WDR17: variants seen among roughly 807,000 people sequenced by gnomAD.
WDR17 encodes the protein WD repeat-containing protein 17.
WDR17 carries 143 observed loss-of-function variants against 161.7 expected under a neutral mutation model. The observed-to-expected ratio is 0.88, with a 90% CI of 0.77 to 1.02. The LOEUF (loss-of-function observed/expected upper bound fraction) is 1.02. Ranked by LOEUF, WDR17 falls within the 50% of genes least tolerant of loss-of-function variation. WDR17 has a pLI of 0.00. For missense variants in WDR17, 1,469 were observed against 1,520.9 expected (o/e 0.97, Z 0.57); for synonymous variants, 517 against 515.6 (o/e 1.00, Z -0.04).
intron 6 of WDR17, among the ~76,000 whole-genome samples, chr4:176,130,549 C>T (rs1037864564): frequency 1.3e-5 from 2 of 151,902 alleles, no homozygotes; most frequent in East Asian, 1.9e-4. Flanking sequence ...TCGAGACCAT[C>T]CTGGCTAACA....
At chr4:176,110,905 T>G (rs1033404857) in intron 1 of WDR17, among the ~76,000 whole-genome samples, 2 of 152,224 alleles carry the variant, frequency 1.3e-5, no homozygotes, top group Admixed American at 6.5e-5. Flanking sequence ...GGGTTGTCTA[T>G]TCCAACATCC....
At chr4:176,106,071 C>T (rs1448831367) in intron 1 of WDR17, among the ~76,000 whole-genome samples, 1 of 151,824 alleles carries the variant, frequency 6.6e-6, no homozygotes, top group African/African-American at 2.4e-5. Flanking sequence ...ATTCAATAAC[C>T]TAGATGAAAT....
In WDR17 at chr4:176,089,682, A is replaced by C. The variant is rs1030050679; in HGVS notation, c.-6-21893A>C. Among the ~76,000 whole-genome samples the C allele has an allele frequency of 3.3e-5, 5 of 152,200 alleles. No individual in the cohort carries two copies. The South Asian group carries it at 1.0e-3, about 32-fold the overall frequency. On this transcript the variant is annotated intron_variant, in intron 1 of 28. Coordinates refer to ENST00000508596, the MANE Select transcript of WDR17 (RefSeq NM_181265.4). ...GTAGTATATATGAGTGTTGAGTGAG[A>C]GAGCTTTTTTTGCATTTCCTCAAAC...
At chr4:176,111,849 G>A (rs571273382) in intron 2 of WDR17, 146 bp downstream of exon 2, 97 of 790,312 alleles carry the variant, frequency 1.2e-4, no homozygotes, top group African/African-American at 2.9e-4. Flanking sequence ...GATTTATACC[G>A]TATAGGTTTT....
chr4:176,128,859 G>C lies in WDR17; in HGVS notation c.912G>C (p.Lys304Asn). The change falls in exon 6 of 29, where the codon AAG (lysine) becomes AAC (asparagine). Residue 304 changes from lysine (K) to asparagine (N), a missense_variant and splice_region_variant. Lys to Asn is a moderately conservative substitution (Grantham distance 94, BLOSUM62 0). Coordinates refer to ENST00000508596, the MANE Select transcript of WDR17 (RefSeq NM_181265.4). Reference protein sequence around the residue: ...LHVLNSPPRKKFSVQSPTKNH... With the variant: ...LHVLNSPPRKNFSVQSPTKNH... ...TACTTAATTCTCCTCCAAGAAAAAAGTGTAAGTAAAAATGTTATCAAAATT... is the reference window on the plus strand; with the variant it reads ...TACTTAATTCTCCTCCAAGAAAAAACTGTAAGTAAAAATGTTATCAAAATT... 6.4e-7 allele frequency: 1 copy of C among 1,563,832 alleles called. No homozygotes were observed. The highest frequency in any genetic ancestry group is 8.6e-7 in the Non-Finnish European group (1 of 1,160,926).
intron 2 of WDR17, among the ~76,000 whole-genome samples, chr4:176,112,027 CTA>C (rs1316781353): frequency 1.3e-5 from 2 of 152,074 alleles, no homozygotes; most frequent in Non-Finnish European, 2.9e-5. Flanking sequence ...ACTTGTATAA[CTA>C]TGTTTTTCGT....
intron 1 of WDR17, among the ~76,000 whole-genome samples, chr4:176,071,166 G>A (rs1312160128): frequency 2.6e-5 from 4 of 151,560 alleles, no homozygotes; most frequent in Non-Finnish European, 5.9e-5. Flanking sequence ...AAAAATAGGG[G>A]TATACTTTTT....
chr4:176,098,261 G>A (rs559855365), intron 1 of WDR17: 1 of 156,462 alleles, frequency 6.4e-6, no homozygotes, highest in South Asian at 2.0e-4. Context: ...CCCAACTGAA[G>A]TGTGTTGTTC....
rs139507315 is a variant in WDR17 at position 176,079,034 on chromosome 4, T to C, written c.-7+12955T>C. On this transcript the variant is annotated intron_variant, in intron 1 of 28. Coordinates refer to ENST00000508596, the MANE Select transcript of WDR17 (RefSeq NM_181265.4). Reference sequence around the variant, plus strand: ...ATCTTTTCTTATCTCCCCTACCCTGTACCCTTTGTGGCTTCTCATAAGCAG... The same window carrying C: ...ATCTTTTCTTATCTCCCCTACCCTGCACCCTTTGTGGCTTCTCATAAGCAG... Among the ~76,000 whole-genome samples, 605 of 152,228 alleles carry C rather than the reference T, an allele frequency of 4.0e-3. 5 individuals carry two copies. Among genetic ancestry groups the C allele is most frequent in the African/African-American group, 0.013 (555 of 41,544 alleles).
intron 1 of WDR17, chr4:176,068,529 G>A (rs1273738357): frequency 1.3e-5 from 2 of 152,288 alleles, no homozygotes; most frequent in Non-Finnish European, 2.9e-5. Flanking sequence ...GAACCCAGGA[G>A]GCCCGGAGGT....
intron 9 of WDR17, 31 bp downstream of exon 9, chr4:176,137,642 T>C: frequency 7.7e-7 from 1 of 1,306,158 alleles, no homozygotes; most frequent in Non-Finnish European, 1.1e-6. Context: ...CTGAATAATA[T>C]AATGTTTTAT....
At chr4:176,165,605 ATAAAG>A (rs1336994688) in intron 22 of WDR17, among the ~76,000 whole-genome samples, 1 of 152,214 alleles carries the variant, frequency 6.6e-6, no homozygotes, top group East Asian at 1.9e-4. Flanking sequence ...TATTCTTACA[ATAAAG>A]TAAACTGGAG....
intron 22 of WDR17, 86 bp from the exon 23 acceptor site, chr4:176,168,586 T>C: frequency 6.7e-7 from 1 of 1,502,340 alleles, no homozygotes; most frequent in African/African-American, 1.4e-5. Flanking sequence ...TGGTATATTA[T>C]ATGAATTGCC....
intron 1 of WDR17, among the ~76,000 whole-genome samples, chr4:176,091,221 A>G (rs1435676652): frequency 6.6e-6 from 1 of 152,230 alleles, no homozygotes; most frequent in Non-Finnish European, 1.5e-5. Flanking sequence ...CACATGCATC[A>G]TTTATAAGAG....
intron 17 of WDR17, among the ~76,000 whole-genome samples, chr4:176,152,624 G>A (rs1373632097): frequency 7.2e-6 from 1 of 139,420 alleles, no homozygotes; most frequent in Non-Finnish European, 1.5e-5. Context: ...AAAAAAAAAG[G>A]GAAAGAAATG....
At chr4:176,130,788 G>A (rs1177841098) in intron 6 of WDR17, among the ~76,000 whole-genome samples, 1 of 151,154 alleles carries the variant, frequency 6.6e-6, no homozygotes, top group Admixed American at 6.6e-5. Flanking sequence ...CCATATTCCA[G>A]TGTACAATTA....
Position 176,180,758 on chromosome 4 carries a change from T to G in WDR17, c.*1179T>G, listed in dbSNP as rs1353691775. 6.6e-6 allele frequency: 1 copy of G among 152,274 alleles called. No homozygotes were observed. Among genetic ancestry groups the G allele is most frequent in the East Asian group, 1.9e-4 (1 of 5,180 alleles). 9.4% of individuals were successfully genotyped at this position (152,274 alleles called of 1,614,324 possible). Reference sequence around the variant, plus strand: ...ACAATTGATTTGATGAAAATTAGTTTTAAGTAAATGTTTGTAAATAGATAT... The same window carrying G: ...ACAATTGATTTGATGAAAATTAGTTGTAAGTAAATGTTTGTAAATAGATAT... On this transcript the variant is annotated 3_prime_UTR_variant, in exon 29 of 29. Transcript: ENST00000508596.
At chr4:176,140,523 ATAAG>A (rs1745087854) in intron 10 of WDR17, among the ~76,000 whole-genome samples, 1 of 152,168 alleles carries the variant, frequency 6.6e-6, no homozygotes, top group African/African-American at 2.4e-5. Context: ...AGTTCCAGAA[ATAAG>A]TAAGTTTTCA....
intron 21 of WDR17, among the ~76,000 whole-genome samples, 184 bp downstream of exon 21, chr4:176,162,358 A>G (rs1177677259): frequency 6.6e-6 from 1 of 152,190 alleles, no homozygotes. Flanking sequence ...TTTTAAGCAC[A>G]CATAGACTAT....
Sources: allele counts gnomAD v4.1 joint callset (sites outside exome capture counted in the v4.1 genomes callset), GRCh38; gene constraint gnomAD v4.1.1; transcripts MANE v1.5; gene names NCBI Gene and HGNC (gene_info 2026-07-23, HGNC 2026-07-21).